KCNN4: variants seen among roughly 807,000 people sequenced by gnomAD.
KCNN4 encodes potassium calcium-activated channel subfamily N member 4.
In KCNN4, 31 loss-of-function variants were observed where a neutral mutation model predicts 45.2. The ratio of observed to expected loss-of-function variants is 0.69; its 90% CI spans 0.52 to 0.92. The LOEUF is 0.92. Ranked by LOEUF, KCNN4 falls within the 40% of genes least tolerant of loss-of-function variation. The pLI is 0.00. For missense variants in KCNN4, 463 were observed against 574.0 expected (o/e 0.81, Z 1.98); for synonymous variants, 231 against 254.6 (o/e 0.91, Z 0.88).
At chr19:43,779,950 C>T (rs1415259662) in intron 1 of KCNN4, among the ~76,000 whole-genome samples, 1 of 151,974 alleles carries the variant, frequency 6.6e-6, no homozygotes, top group Non-Finnish European at 1.5e-5. Flanking sequence ...GGAGGCAGGT[C>T]GGGGGAGAGG....
chr19:43,778,411 TTG>T (rs1439012634), intron 1 of KCNN4, among the ~76,000 whole-genome samples: 1 of 152,148 alleles, frequency 6.6e-6, no homozygotes, highest in African/African-American at 2.4e-5. Context: ...GGCTAATTTT[TTG>T]TGTTTTTAGT....
chr19:43,773,207 G>C (rs2146451388), intron 3 of KCNN4, among the ~76,000 whole-genome samples: 1 of 152,380 alleles, frequency 6.6e-6, no homozygotes, highest in South Asian at 2.1e-4. Context: ...TGAGGCATGA[G>C]AATTGCTTGA....
In KCNN4 at chr19:43,776,573, G is replaced by A; in HGVS notation, c.223C>T (p.Leu75Phe). The A allele has an allele frequency of 1.9e-6, 3 of 1,613,904 alleles. No individual in the cohort carries two copies. Among genetic ancestry groups the A allele is most frequent in the Admixed American group, 3.3e-5 (2 of 60,016 alleles). Residue 75 changes from leucine to phenylalanine, a missense_variant, in exon 2 of 9, where the codon CTC (leucine) becomes TTC (phenylalanine). Leu to Phe is a conservative substitution (Grantham distance 22, BLOSUM62 0). This residue lies in a region of KCNN4 where 225 missense variants were observed against 240.9 expected (regional missense o/e 0.93). Coordinates refer to ENST00000648319, the MANE Select transcript of KCNN4 (RefSeq NM_002250.3). Reference sequence around the variant, plus strand: ...TCTTTGGCATGAAAGGCCACGATGAGGCAGAGGAGTAAGAAGGTGGAAATG... The same window carrying A: ...TCTTTGGCATGAAAGGCCACGATGAAGCAGAGGAGTAAGAAGGTGGAAATG... ...ISISTFLLLC[L>F]IVAFHAKEVQ...
chr19:43,769,658 G>T lies in KCNN4; in HGVS notation c.930+61C>A. ...CTCTTGGGTCCTAGGGGAAGCAGGG[G>T]CGCCTGGACTCCTGCTTCTTGGAAG... On this transcript the variant is annotated intron_variant, in intron 5 of 8. Coordinates refer to ENST00000648319, the MANE Select transcript of KCNN4 (RefSeq NM_002250.3). This position sits in a 1 kb window ranked among gnomAD's most constrained non-coding sequence, Gnocchi z 4.4. The T allele has an allele frequency of 6.4e-7, 1 of 1,559,916 alleles. No individual in the cohort carries two copies. Among genetic ancestry groups the T allele is most frequent in the East Asian group, 2.2e-5 (1 of 44,518 alleles).
At chr19:43,776,767 A>T in intron 1 of KCNN4, 131 bp from the exon 2 acceptor site, 4 of 665,568 alleles carry the variant, frequency 6.0e-6, no homozygotes, top group South Asian at 5.2e-5. Context: ...CCTGCAAATC[A>T]GTCCCTCTTG....
rs1568394909 is a variant in KCNN4 at position 43,776,606 on chromosome 19, T to C, written c.190A>G (p.Thr64Ala). The C allele has an allele frequency of 1.2e-6, 2 of 1,613,824 alleles. No homozygotes were observed. Among genetic ancestry groups the C allele is most frequent in the South Asian group, 1.1e-5 (1 of 91,078 alleles). Residue 64 changes from threonine (T) to alanine (A), a missense_variant, in exon 2 of 9, where the codon ACG becomes GCG. Around this residue, in one of 3 missense-constraint regions of KCNN4, gnomAD observed 225 missense variants for 240.9 expected, o/e 0.93. Coordinates refer to ENST00000648319, the MANE Select transcript of KCNN4 (RefSeq NM_002250.3). The stretch of plus-strand genomic sequence containing the variant: ...AGTAAGAAGGTGGAAATGCTGATCG[T>C]GCATTTAACCAGGAACAGGTAGAGC... ...WALYLFLVKC[T>A]ISISTFLLLC...
chr19:43,769,888 C>A lies in KCNN4; in HGVS notation c.820-59G>T, dbSNP rs941723104. 1.7e-6 allele frequency: 2 copies of A among 1,211,090 alleles called. No homozygotes were observed. The highest frequency in any genetic ancestry group is 1.2e-6 in the Non-Finnish European group (1 of 837,402). 75.0% of individuals were successfully genotyped at this position (1,211,090 alleles called of 1,614,324 possible). The stretch of plus-strand genomic sequence containing the variant: ...GTGCCACCGACTCCCTCCTTGAACC[C>A]GCCCAACAGCCACAGACGGTAGGCA... On this transcript the variant is annotated intron_variant, in intron 4 of 8. Coordinates refer to ENST00000648319, the MANE Select transcript of KCNN4 (RefSeq NM_002250.3). The surrounding 1 kb of genome is among the most constrained non-coding windows in gnomAD (Gnocchi z 4.4).
At chr19:43,776,153 A>G (rs1415602813) in intron 2 of KCNN4, among the ~76,000 whole-genome samples, 2 of 138,966 alleles carry the variant, frequency 1.4e-5, no homozygotes, top group East Asian at 4.4e-4. Flanking sequence ...AAAAAAAAAA[A>G]AAAGGAGTGG....
At chr19:43,776,856 G>A in intron 1 of KCNN4, 1 of 496,758 alleles carries the variant, frequency 2.0e-6, no homozygotes, top group East Asian at 3.3e-5. Context: ...CCAACACTCT[G>A]GGAGGCTGAG....
chr19:43,776,852 C>T (rs1969821477), intron 1 of KCNN4: 1 of 502,240 alleles, frequency 2.0e-6, no homozygotes, highest in South Asian at 2.5e-5. Context: ...AATCCCAACA[C>T]TCTGGGAGGC....
rs1420061182 is a variant in KCNN4, at chr19:43,774,309, C to A, written c.566G>T (p.Arg189Leu). The A allele has an allele frequency of 1.9e-6, 3 of 1,612,040 alleles. No homozygotes were observed. The highest frequency in any genetic ancestry group is 1.7e-5 in the Admixed American group (1 of 59,814). The stretch of plus-strand genomic sequence containing the variant: ...CTTGGCCACGAACCAGTGGCGGAAG[C>A]GGACTTGATTGAGAGCGCCGATGCT... ...YRSIGALNQV[R>L]FRHWFVAKLY... The change falls in exon 3 of 9, where the codon CGC (arginine) becomes CTC (leucine). Residue 189 changes from arginine (R) to leucine (L), a missense_variant. Coordinates refer to ENST00000648319, the MANE Select transcript of KCNN4 (RefSeq NM_002250.3). The surrounding 1 kb of genome is among the most constrained non-coding windows in gnomAD (Gnocchi z 5.6).
rs1969661899 is a variant in KCNN4, at chr19:43,772,207, T to A, written c.684-72A>T. The A allele has an allele frequency of 1.3e-6, 2 of 1,560,086 alleles. No individual in the cohort carries two copies. Among genetic ancestry groups the A allele is most frequent in the African/African-American group, 2.7e-5 (2 of 73,436 alleles). On this transcript the variant is annotated intron_variant, in intron 3 of 8. Transcript: ENST00000648319. The surrounding 1 kb of genome is among the most constrained non-coding windows in gnomAD (Gnocchi z 4.4). ...CCATGATATTCACTCCCCTTCCCTC[T>A]ATACCCTCCCATCCCCTTCCCTCTG...
At chr19:43,778,846 A>T (rs1969888501) in intron 1 of KCNN4, among the ~76,000 whole-genome samples, 1 of 152,048 alleles carries the variant, frequency 6.6e-6, no homozygotes, top group African/African-American at 2.4e-5. Context: ...GGTCCTTTGC[A>T]GAAATGAGCT....
intron 7 of KCNN4, among the ~76,000 whole-genome samples, chr19:43,768,274 G>C (rs181592453): frequency 1.3e-5 from 2 of 152,230 alleles, no homozygotes; most frequent in African/African-American, 4.8e-5. Context: ...ATCTGTGACC[G>C]TGCTTACCAT....
intron 1 of KCNN4, chr19:43,776,914 T>A (rs906643124): frequency 1.1e-5 from 4 of 372,030 alleles, no homozygotes; most frequent in Non-Finnish European, 2.0e-5. Flanking sequence ...CTGGCCAACA[T>A]GGTGAAACCC....
rs1243435200 is a variant in KCNN4 at position 43,769,392 on chromosome 19, A to G, written c.1049+50T>C. 1 of 1,436,700 alleles carries G rather than the reference A, an allele frequency of 7.0e-7. No homozygotes were observed. The highest frequency in any genetic ancestry group is 9.8e-7 in the Non-Finnish European group (1 of 1,022,248). The allele number at this position is 1,436,700 out of a possible 1,614,324, so 89.0% of individuals were successfully genotyped here. On this transcript the variant is annotated intron_variant, in intron 6 of 8. Coordinates refer to ENST00000648319, the MANE Select transcript of KCNN4 (RefSeq NM_002250.3). This position sits in a 1 kb window ranked among gnomAD's most constrained non-coding sequence, Gnocchi z 4.4. ...ACACACACAGCCGTGCAGAGAGGTG[A>G]CTTGGACATGGGTGCACATGGACAC...
rs1034871107 is a variant in KCNN4, at chr19:43,774,560, C to T, written c.315G>A (p.Ala105=). The T allele has an allele frequency of 6.4e-6, 10 of 1,557,840 alleles. No homozygotes were observed. The highest frequency in any genetic ancestry group is 5.4e-5 in the African/African-American group (4 of 73,404). The change falls in exon 3 of 9, where the codon GCG becomes GCA. Residue 105 remains alanine, a synonymous_variant. Coordinates refer to ENST00000648319, the MANE Select transcript of KCNN4 (RefSeq NM_002250.3). This position sits in a 1 kb window ranked among gnomAD's most constrained non-coding sequence, Gnocchi z 5.6. ...CCACCAGCTCCAGCACGATCTGCGC[C>T]GCCTGCCGCCCGGTCAGCGCCACGC... ...DWRVALTGRQ[A]AQIVLELVVC...
At chr19:43,770,231 C>T (rs910371758) in intron 4 of KCNN4, among the ~76,000 whole-genome samples, 8 of 152,092 alleles carry the variant, frequency 5.3e-5, no homozygotes, top group African/African-American at 1.7e-4. Flanking sequence ...TCTCCTGGAC[C>T]GTCTCCAGCC....
At position 43,769,478 on chromosome 19, in the gene KCNN4, C is replaced by T. The variant is rs774385330; in HGVS notation, c.1013G>A (p.Arg338His). 9 of 1,614,100 alleles carry T rather than the reference C, an allele frequency of 5.6e-6. No individual in the cohort carries two copies. The highest frequency in any genetic ancestry group is 1.6e-4 in the Middle Eastern group (1 of 6,084). ...GGCCAGCAGCTTGCGCTGATGCCTG[C>T]GGGCAGCATGAGACTCCTTCCTGCG... ...HTRRKESHAA[R>H]RHQRKLLAAI... Residue 338 changes from arginine (R) to histidine (H), a missense_variant, in exon 6 of 9, where the codon CGC becomes CAC. Around this residue, in one of 3 missense-constraint regions of KCNN4, gnomAD observed 129 missense variants for 149.4 expected, o/e 0.86. Transcript: ENST00000648319. The surrounding 1 kb of genome is among the most constrained non-coding windows in gnomAD (Gnocchi z 4.4).
Sources: allele counts gnomAD v4.1 joint callset (sites outside exome capture counted in the v4.1 genomes callset), GRCh38; gene constraint gnomAD v4.1.1; regional missense constraint gnomAD v4.1.1; non-coding constraint Gnocchi (gnomAD v3.1); transcripts MANE v1.5; gene names NCBI Gene and HGNC (gene_info 2026-07-23, HGNC 2026-07-21).